Variants in TRRAP observed in about 807,000 individuals in gnomAD.
The protein encoded by TRRAP is transformation/transcription domain-associated protein.
TRRAP carries 41 observed loss-of-function variants against 438.8 expected under a neutral mutation model. The observed-to-expected ratio is 0.09, with a 90% CI of 0.07 to 0.12. TRRAP has a LOEUF of 0.12. TRRAP is among the 10% of genes least tolerant of loss of function. The pLI is 1.00. For synonymous variants in TRRAP, 1,994 were observed against 1,962.9 expected (o/e 1.02, Z -0.42); for missense variants, 3,122 against 5,055.1 (o/e 0.62, Z 11.60).
intron 3 of TRRAP, among the ~76,000 whole-genome samples, chr7:98,883,676 G>C (rs1260739974): frequency 2.6e-5 from 4 of 152,106 alleles, no homozygotes; most frequent in African/African-American, 7.2e-5. Flanking sequence ...ACCACGCCTG[G>C]CTAATTTTTG....
At chr7:98,997,627 G>A (rs1793731848) in intron 67 of TRRAP, among the ~76,000 whole-genome samples, 1 of 151,238 alleles carries the variant, frequency 6.6e-6, no homozygotes, top group African/African-American at 2.5e-5. Flanking sequence ...AGATAATTCA[G>A]GAACATTCAG....
At chr7:98,895,727 A>T in intron 6 of TRRAP, 37 bp from the exon 7 acceptor site, 1 of 1,540,814 alleles carries the variant, frequency 6.5e-7, no homozygotes, top group Non-Finnish European at 8.8e-7. Flanking sequence ...TCTGTTTATG[A>T]ATATCTTCCT....
intron 20 of TRRAP, among the ~76,000 whole-genome samples, chr7:98,921,353 T>G (rs181454065): frequency 1.2e-4 from 18 of 152,078 alleles, no homozygotes; most frequent in African/African-American, 4.1e-4. Flanking sequence ...GAGGAAGGAT[T>G]GTTGCCAAGC....
In TRRAP at chr7:98,956,459, A is replaced by G. The variant is rs1554419835; in HGVS notation, c.6157A>G (p.Ile2053Val). ...GEGVNSVSSS[I>V]KRGLSVDSAQ... ...AGGAGTCAATTCTGTCTCATCCTCC[A>G]TTAAGAGAGGCCTGTCCGTGGATTC... Residue 2053 changes from isoleucine (I) to valine (V), a missense_variant, in exon 43 of 73, where the codon ATT becomes GTT. Ile to Val is a conservative substitution (Grantham distance 29). Transcript: ENST00000456197. This position sits in a 1 kb window ranked among gnomAD's most constrained non-coding sequence, Gnocchi z 4.5. 1.2e-6 allele frequency: 2 copies of G among 1,614,220 alleles called. No individual in the cohort carries two copies. Among genetic ancestry groups the G allele is most frequent in the Non-Finnish European group, 1.7e-6 (2 of 1,180,040 alleles).
chr7:98,903,580 G>C, intron 12 of TRRAP, 63 bp downstream of exon 12: 1 of 1,599,642 alleles, frequency 6.3e-7, no homozygotes, highest in Non-Finnish European at 8.5e-7. Flanking sequence ...TTGGGGACTC[G>C]GCTGACATTC....
intron 59 of TRRAP, among the ~76,000 whole-genome samples, 161 bp from the exon 60 acceptor site, chr7:98,983,103 T>C (rs1306479144): frequency 6.6e-6 from 1 of 152,178 alleles, no homozygotes; most frequent in East Asian, 1.9e-4. Flanking sequence ...GTAAATGAAA[T>C]GTGGGATCTC....
intron 6 of TRRAP, among the ~76,000 whole-genome samples, chr7:98,894,406 A>C (rs1421111296): frequency 6.6e-6 from 1 of 152,186 alleles, no homozygotes; most frequent in Non-Finnish European, 1.5e-5. Flanking sequence ...CATTTACCAT[A>C]ATTATATCTT....
chr7:98,941,007 AAGAGTTTT>A (rs781785377), intron 30 of TRRAP, among the ~76,000 whole-genome samples: 8 of 152,202 alleles, frequency 5.3e-5, no homozygotes, highest in African/African-American at 1.4e-4. Context: ...ACCTTTCTTT[AAGAGTTTT>A]AGAGTTTTAG....
In TRRAP at chr7:98,976,431, A is replaced by T; in HGVS notation, c.7960-52A>T. 2 of 1,585,140 alleles carry T rather than the reference A, an allele frequency of 1.3e-6. No individual in the cohort carries two copies. The highest frequency in any genetic ancestry group is 1.7e-6 in the Non-Finnish European group (2 of 1,167,628). On this transcript the variant is annotated intron_variant, in intron 54 of 72. Coordinates refer to ENST00000456197, the MANE Select transcript of TRRAP (RefSeq NM_001375524.1). This position sits in a 1 kb window ranked among gnomAD's most constrained non-coding sequence, Gnocchi z 4.6. Reference sequence around the variant, plus strand: ...TATTCTTGCATCGAGAGAGACAGCAAGACTTGCCGATTTTTGAATGAAGGC... The same window carrying T: ...TATTCTTGCATCGAGAGAGACAGCATGACTTGCCGATTTTTGAATGAAGGC...
At chr7:98,964,020 G>T (rs2116677538) in intron 47 of TRRAP, among the ~76,000 whole-genome samples, 1 of 151,180 alleles carries the variant, frequency 6.6e-6, no homozygotes, top group Admixed American at 6.6e-5. Flanking sequence ...GGCAGAGGTT[G>T]CAGTGAGCCG....
chr7:98,955,848 G>A (rs1361893962), intron 41 of TRRAP, among the ~76,000 whole-genome samples: 2 of 151,768 alleles, frequency 1.3e-5, no homozygotes, highest in African/African-American at 4.8e-5. Context: ...TGATACATGT[G>A]ATTAGACTCA....
chr7:98,969,248 C>T (rs1198298435), intron 51 of TRRAP, among the ~76,000 whole-genome samples: 2 of 152,200 alleles, frequency 1.3e-5, no homozygotes, highest in African/African-American at 4.8e-5. Context: ...TCCCCATAGC[C>T]TCTCTCTGCC....
At chr7:98,990,952 G>A (rs1464370293) in intron 64 of TRRAP, among the ~76,000 whole-genome samples, 2 of 152,190 alleles carry the variant, frequency 1.3e-5, no homozygotes, top group Non-Finnish European at 1.5e-5. Context: ...AGTGAGCCCT[G>A]AATCTGATTG....
Position 98,970,749 on chromosome 7 carries a change from A to G in TRRAP, c.7692+458A>G, listed in dbSNP as rs561438149. ...CTGGTGAGAAAAGCCCGTGTTCATT[A>G]CAGAAAGCGCTGCCTGGGGGAATGC... On this transcript the variant is annotated intron_variant, in intron 52 of 72. Transcript: ENST00000456197. 3.9e-5 allele frequency among the ~76,000 whole-genome samples: 6 copies of G among 152,258 alleles called. No individual in the cohort carries two copies. The South Asian group carries it at 1.2e-3, about 32-fold the overall frequency.
chr7:99,009,217 T>G (rs1794325295), intron 70 of TRRAP, among the ~76,000 whole-genome samples: 1 of 152,026 alleles, frequency 6.6e-6, no homozygotes, highest in Non-Finnish European at 1.5e-5. Context: ...TTTGGGGGAT[T>G]GTGTGGGGCA....
At chr7:99,007,984 C>G (rs1036774963) in intron 69 of TRRAP, among the ~76,000 whole-genome samples, 5 of 151,958 alleles carry the variant, frequency 3.3e-5, no homozygotes, top group African/African-American at 1.2e-4. Context: ...TGCCACCACT[C>G]CCGGCTAATT....
At chr7:98,933,101 A>G (rs1790401013) in intron 26 of TRRAP, 140 bp from the exon 27 acceptor site, 1 of 1,187,584 alleles carries the variant, frequency 8.4e-7, no homozygotes, top group South Asian at 1.9e-5. Context: ...GAGGTTTTGC[A>G]CATGAAATGT....
At position 98,910,373 on chromosome 7, in the gene TRRAP, T is replaced by G. The variant is rs1554408530; in HGVS notation, c.1668T>G (p.Gly556=). The change falls in exon 15 of 73, where the codon GGT becomes GGG. Residue 556 remains glycine (G), a synonymous_variant. Transcript: ENST00000456197. ...CRSLVKTLVC[G]VKTITWGITS... is the part of the protein sequence containing the mutation. ...GTTTGGTCAAAACCTTGGTGTGTGG[T>G]GTCAAGACAATCACGTGGGGCATAA... is the stretch of plus-strand genomic sequence containing the variant. 6.2e-7 allele frequency: 1 copy of G among 1,609,428 alleles called. No individual in the cohort carries two copies. Among genetic ancestry groups the G allele is most frequent in the Admixed American group, 1.7e-5 (1 of 59,872 alleles).
intron 18 of TRRAP, among the ~76,000 whole-genome samples, chr7:98,913,620 C>T (rs1789381089): frequency 6.6e-6 from 1 of 152,142 alleles, no homozygotes; most frequent in Non-Finnish European, 1.5e-5. Context: ...TCTGTGTTAA[C>T]AGTCTTGGCA....
Sources: allele counts gnomAD v4.1 joint callset (sites outside exome capture counted in the v4.1 genomes callset), GRCh38; gene constraint gnomAD v4.1.1; non-coding constraint Gnocchi (gnomAD v3.1); transcripts MANE v1.5; gene names NCBI Gene and HGNC (gene_info 2026-07-23, HGNC 2026-07-21).